Variants in MEOX2 observed in about 807,000 individuals in gnomAD.
MEOX2 encodes mesenchyme homeobox 2.
In MEOX2, 11 loss-of-function variants were observed where a neutral mutation model predicts 27.0. The ratio of observed to expected loss-of-function variants is 0.41; its 90% CI spans 0.26 to 0.68. The LOEUF (loss-of-function observed/expected upper bound fraction) is 0.68. Ranked by LOEUF, MEOX2 falls within the 30% of genes least tolerant of loss-of-function variation. The pLI is 0.33. For synonymous variants in MEOX2, 189 were observed against 155.4 expected, an observed-to-expected ratio of 1.22 and a Z score of -1.61; for missense variants, 436 against 385.4, an observed-to-expected ratio of 1.13 and a Z score of -1.10.
chr7:15,669,371 G>T (rs1390411141), intron 1 of MEOX2, among the ~76,000 whole-genome samples: 2 of 152,180 alleles, frequency 1.3e-5, no homozygotes, highest in African/African-American at 4.8e-5. Flanking sequence ...TATCCTGATT[G>T]CAATCATTAA....
chr7:15,630,810 C>G (rs1274470303), intron 1 of MEOX2, among the ~76,000 whole-genome samples: 1 of 151,970 alleles, frequency 6.6e-6, no homozygotes, highest in African/African-American at 2.4e-5. Context: ...GTAATTTTCA[C>G]ATTTAAAGGG....
At chr7:15,670,036 A>G (rs1483791310) in intron 1 of MEOX2, among the ~76,000 whole-genome samples, 2 of 152,160 alleles carry the variant, frequency 1.3e-5, no homozygotes, top group African/African-American at 2.4e-5. Flanking sequence ...ACATTCTTGA[A>G]TATGCTTTTA....
intron 1 of MEOX2, among the ~76,000 whole-genome samples, chr7:15,674,012 A>T (rs375958307): frequency 2.4e-4 from 36 of 152,270 alleles, no homozygotes; most frequent in African/African-American, 8.4e-4. Context: ...TAGATAGATG[A>T]TAGACAGATA....
intron 1 of MEOX2, among the ~76,000 whole-genome samples, chr7:15,634,954 G>C (rs1781458897): frequency 6.6e-6 from 1 of 151,924 alleles, no homozygotes. Flanking sequence ...AGAGGTGTGA[G>C]AGTTTCAGTA....
At chr7:15,625,938 T>C (rs1562597006) in intron 2 of MEOX2, among the ~76,000 whole-genome samples, 1 of 152,190 alleles carries the variant, frequency 6.6e-6, no homozygotes, top group Non-Finnish European at 1.5e-5. Flanking sequence ...AAGTATTCTC[T>C]GAGTGGGTAG....
intron 1 of MEOX2, among the ~76,000 whole-genome samples, chr7:15,678,423 A>T (rs953111719): frequency 1.3e-5 from 2 of 152,200 alleles, no homozygotes; most frequent in Non-Finnish European, 2.9e-5. Flanking sequence ...CGGATAACAC[A>T]TATTTATTTT....
intron 1 of MEOX2, among the ~76,000 whole-genome samples, chr7:15,658,567 T>A (rs990851126): frequency 1.3e-5 from 2 of 152,202 alleles, no homozygotes; most frequent in African/African-American, 4.8e-5. Flanking sequence ...CTCAAAATCC[T>A]TAGCTGTTAT....
intron 2 of MEOX2, among the ~76,000 whole-genome samples, chr7:15,612,912 A>G (rs1008971462): frequency 6.6e-6 from 1 of 152,240 alleles, no homozygotes; most frequent in Non-Finnish European, 1.5e-5. Flanking sequence ...ACTTGCGTCT[A>G]TAAAGAGCTT....
chr7:15,635,262 A>C (rs1406291080), intron 1 of MEOX2, among the ~76,000 whole-genome samples: 2 of 151,980 alleles, frequency 1.3e-5, no homozygotes, highest in Non-Finnish European at 2.9e-5. Flanking sequence ...ACCAACAGGA[A>C]TACATTTTAT....
At chr7:15,613,458 T>G (rs142964122) in intron 2 of MEOX2, among the ~76,000 whole-genome samples, 1 of 151,876 alleles carries the variant, frequency 6.6e-6, no homozygotes, top group African/African-American at 2.4e-5. Flanking sequence ...ATAATTGGCA[T>G]TATTGCATCT....
At chr7:15,620,032 A>G (rs1013849087) in intron 2 of MEOX2, among the ~76,000 whole-genome samples, 1 of 152,038 alleles carries the variant, frequency 6.6e-6, no homozygotes, top group Non-Finnish European at 1.5e-5. Context: ...GATGCTTACC[A>G]ATACTGTCAA....
At chr7:15,670,603 C>G (rs1256881511) in intron 1 of MEOX2, among the ~76,000 whole-genome samples, 1 of 152,126 alleles carries the variant, frequency 6.6e-6, no homozygotes, top group Non-Finnish European at 1.5e-5. Context: ...TTGGAACGTG[C>G]TTAGTGGAGC....
At chr7:15,684,906 T>A (rs757910490) in intron 1 of MEOX2, among the ~76,000 whole-genome samples, 3 of 152,260 alleles carry the variant, frequency 2.0e-5, no homozygotes, top group Non-Finnish European at 4.4e-5. Flanking sequence ...CTGGAAACTT[T>A]GAGTTTCTCT....
At chr7:15,680,497 TGGGA>T (rs1782275959) in intron 1 of MEOX2, 2 of 151,934 alleles carry the variant, frequency 1.3e-5, no homozygotes, top group African/African-American at 4.8e-5. Context: ...TTTTCTCCAA[TGGGA>T]TTTTGAATCT....
intron 2 of MEOX2, among the ~76,000 whole-genome samples, chr7:15,620,748 C>T (rs1030955941): frequency 4.6e-5 from 7 of 152,152 alleles, no homozygotes; most frequent in African/African-American, 1.7e-4. Context: ...CTCTCATTTC[C>T]ACCAATGGAG....
Position 15,686,172 on chromosome 7 carries a change from A to T in MEOX2, c.231T>A (p.His77Gln). ...GGTGCTGCTGCTGCTGATGGTGGTG[A>T]TGGTGGTGGTGGTGGTGGTGGTGGT... Reference protein sequence around the residue: ...GHHHHHHHHHHHHHQQQQHQA... With the variant: ...GHHHHHHHHHQHHHQQQQHQA... The change falls in exon 1 of 3, where the codon CAT becomes CAA. Residue 77 changes from histidine (H) to glutamine (Q), a missense_variant. His to Gln is a conservative substitution (Grantham distance 24, BLOSUM62 0). Transcript: ENST00000262041. 1 of 1,532,148 alleles carries T rather than the reference A, an allele frequency of 6.5e-7. No homozygotes were observed. The highest frequency in any genetic ancestry group is 8.9e-7 in the Non-Finnish European group (1 of 1,128,830). 94.9% of individuals were successfully genotyped at this position (1,532,148 alleles called of 1,614,324 possible).
intron 1 of MEOX2, among the ~76,000 whole-genome samples, chr7:15,650,706 T>TG (rs149928037): frequency 0.018 from 2,782 of 152,036 alleles, 93 homozygotes; most frequent in African/African-American, 0.064. Flanking sequence ...TGAGTTTTTT[T>TG]GGGGGGGAGA....
intron 1 of MEOX2, among the ~76,000 whole-genome samples, chr7:15,627,203 A>C (rs542176643): frequency 6.6e-6 from 1 of 152,218 alleles, no homozygotes; most frequent in Non-Finnish European, 1.5e-5. Flanking sequence ...ATATTAAGAT[A>C]AACCAAAACC....
chr7:15,668,570 C>A (rs1264721339), intron 1 of MEOX2, among the ~76,000 whole-genome samples: 1 of 152,120 alleles, frequency 6.6e-6, no homozygotes, highest in African/African-American at 2.4e-5. Flanking sequence ...CAACATCCGC[C>A]TCCTGGGTTC....
Sources: gnomAD v4.1 joint callset for allele counts (sites outside exome capture counted in the v4.1 genomes callset) on GRCh38, gnomAD v4.1.1 for gene constraint, MANE v1.5 for transcripts, NCBI Gene and HGNC (gene_info 2026-07-23, HGNC 2026-07-21) for gene names.